The following TBCK variants were observed in gnomAD, a reference collection of about 807,000 sequenced individuals.
TBCK encodes TBC domain-containing protein kinase-like protein.
TBCK carries 99 observed loss-of-function variants against 113.4 expected under a neutral mutation model. That is an observed-to-expected ratio of 0.87 (90% confidence interval 0.74 to 1.03). The LOEUF is 1.03. Ranked by LOEUF, TBCK falls within the 50% of genes least tolerant of loss-of-function variation. The pLI is 0.00. For synonymous variants in TBCK, 369 were observed against 370.8 expected (o/e 1.00, Z 0.05); for missense variants, 1,045 against 1,061.3 (o/e 0.98, Z 0.21).
At chr4:106,309,014 C>T (rs1246842266) in intron 1 of TBCK, 25 bp from the exon 2 acceptor site, 16 of 1,485,564 alleles carry the variant, frequency 1.1e-5, no homozygotes, top group African/African-American at 5.6e-5. Flanking sequence ...AATTTTAGGA[C>T]AGACCAAACA....
chr4:106,282,410 G>T (rs1037709599), intron 3 of TBCK, among the ~76,000 whole-genome samples: 1 of 150,752 alleles, frequency 6.6e-6, no homozygotes, highest in African/African-American at 2.4e-5. Context: ...ATTTATTTCT[G>T]CTGTGATCTT....
In TBCK at chr4:106,248,978, A is replaced by T; in HGVS notation, c.663T>A (p.Cys221Ter). 1.9e-6 allele frequency: 3 copies of T among 1,601,406 alleles called. No homozygotes were observed. Among genetic ancestry groups the T allele is most frequent in the Non-Finnish European group, 2.6e-6 (3 of 1,174,984 alleles). Reference protein sequence around the residue: ...ERLKFLLTLDCVDDTLIVLAE... With the variant: ...ERLKFLLTLD ...CCAGAACTATTAAAGTGTCATCTAC[A>T]CAATCTATAAAACAGAAAAACTATA... Residue 221 changes from cysteine to a stop codon, truncating the protein, a stop_gained, in exon 8 of 26, where the codon TGT (cysteine) becomes TGA (stop). Coordinates refer to ENST00000394708, the MANE Select transcript of TBCK (RefSeq NM_001163435.3). LOFTEE classifies it high-confidence loss of function.
At chr4:106,194,937 T>TTA (rs1336519700) in intron 20 of TBCK, among the ~76,000 whole-genome samples, 183 bp from the exon 21 acceptor site, 2 of 152,150 alleles carry the variant, frequency 1.3e-5, no homozygotes, top group Non-Finnish European at 2.9e-5. Flanking sequence ...TGTTTTAAGT[T>TTA]CGGCCTAAAG....
At chr4:106,241,337 AT>A (rs199803553) in intron 12 of TBCK, among the ~76,000 whole-genome samples, 1,672 of 152,066 alleles carry the variant, frequency 0.011, 31 homozygotes, top group African/African-American at 0.038. Context: ...AAATTAACTT[AT>A]CAATTCAATG....
chr4:106,251,478 A>G (rs916305976), intron 6 of TBCK, among the ~76,000 whole-genome samples: 12 of 151,966 alleles, frequency 7.9e-5, no homozygotes, highest in Non-Finnish European at 1.5e-4. Flanking sequence ...AAAAGCTGCT[A>G]TTCTTCTCAA....
At chr4:106,080,257 C>T (rs1738698118) in intron 25 of TBCK, among the ~76,000 whole-genome samples, 1 of 151,568 alleles carries the variant, frequency 6.6e-6, no homozygotes, top group South Asian at 2.1e-4. Flanking sequence ...AGAGCCATCA[C>T]ACTTCCTGAC....
intron 12 of TBCK, among the ~76,000 whole-genome samples, chr4:106,237,113 T>G (rs1301480494): frequency 6.6e-6 from 1 of 151,970 alleles, no homozygotes; most frequent in East Asian, 1.9e-4. Flanking sequence ...GTATAAAACT[T>G]AATGAATGGG....
chr4:106,289,498 C>A (rs1362203586), intron 3 of TBCK, among the ~76,000 whole-genome samples: 2 of 151,842 alleles, frequency 1.3e-5, no homozygotes, highest in Non-Finnish European at 2.9e-5. Context: ...CAGCCAGGCG[C>A]GGTGGCTCAT....
chr4:106,269,899 G>A (rs565795462), intron 3 of TBCK, among the ~76,000 whole-genome samples: 1 of 152,098 alleles, frequency 6.6e-6, no homozygotes, highest in African/African-American at 2.4e-5. Context: ...TAGTCTAGCG[G>A]TTTGAGGTTC....
intron 19 of TBCK, among the ~76,000 whole-genome samples, chr4:106,216,893 A>G (rs1757005565): frequency 6.6e-6 from 1 of 151,946 alleles, no homozygotes; most frequent in African/African-American, 2.4e-5. Context: ...CTGATACCAA[A>G]GCCAGGCAGA....
intron 5 of TBCK, among the ~76,000 whole-genome samples, chr4:106,252,483 T>C (rs577011628): frequency 6.6e-6 from 1 of 152,238 alleles, no homozygotes; most frequent in South Asian, 2.1e-4. Flanking sequence ...TATGTATATA[T>C]AACTTTGTCC....
chr4:106,267,998 G>C (rs1763142371), intron 3 of TBCK, among the ~76,000 whole-genome samples: 2 of 151,876 alleles, frequency 1.3e-5, no homozygotes, highest in African/African-American at 4.8e-5. Context: ...ATGAGACACT[G>C]CACAACCTAT....
chr4:106,291,183 C>T (rs1017222092), intron 3 of TBCK, among the ~76,000 whole-genome samples: 1 of 152,116 alleles, frequency 6.6e-6, no homozygotes, highest in African/African-American at 2.4e-5. Context: ...TTAGTCTGCA[C>T]GTGGCCTGCC....
chr4:106,225,224 T>C (rs1249792700), intron 19 of TBCK, among the ~76,000 whole-genome samples: 1 of 152,092 alleles, frequency 6.6e-6, no homozygotes, highest in Non-Finnish European at 1.5e-5. Context: ...ACCTTGTCTA[T>C]TGATTTTTTT....
intron 25 of TBCK, among the ~76,000 whole-genome samples, chr4:106,065,525 C>T (rs373485250): frequency 1.1e-4 from 16 of 151,898 alleles, no homozygotes; most frequent in East Asian, 5.8e-4. Context: ...GTCTTCCTAC[C>T]AATAGATGCA....
At position 106,297,525 on chromosome 4, in the gene TBCK, T is replaced by C. The variant is rs115476434; in HGVS notation, c.194-2359A>G. ...TCATTAGATAACTACAACAATCTTT[T>C]AACTGATCTTCTCACATTAATTCCT... On this transcript the variant is annotated intron_variant, in intron 2 of 25. Transcript: ENST00000394708. Among the ~76,000 whole-genome samples the C allele has an allele frequency of 5.1e-3, 770 of 152,320 alleles. 5 individuals are homozygous for C. Among genetic ancestry groups the C allele is most frequent in the African/African-American group, 0.018 (743 of 41,564 alleles).
chr4:106,193,051 C>A (rs1036587709), intron 22 of TBCK, among the ~76,000 whole-genome samples: 3 of 152,118 alleles, frequency 2.0e-5, no homozygotes, highest in African/African-American at 7.2e-5. Context: ...TACATTTAAG[C>A]ATTCAACTCC....
At chr4:106,266,820 C>T (rs1344747490) in intron 3 of TBCK, among the ~76,000 whole-genome samples, 1 of 151,824 alleles carries the variant, frequency 6.6e-6, no homozygotes, top group Non-Finnish European at 1.5e-5. Context: ...ATTTTATGTA[C>T]TTACTAGCTT....
At chr4:106,164,276 T>C (rs1750118794) in intron 23 of TBCK, 2 of 151,988 alleles carry the variant, frequency 1.3e-5, no homozygotes, top group African/African-American at 2.4e-5. Context: ...TTTCAATGCA[T>C]CTATTGCTCT....
Sources: gnomAD v4.1 joint callset for allele counts (sites outside exome capture counted in the v4.1 genomes callset) on GRCh38, gnomAD v4.1.1 for gene constraint, MANE v1.5 for transcripts, NCBI Gene and HGNC (gene_info 2026-07-23, HGNC 2026-07-21) for gene names.